The following STAT5B variants were observed in gnomAD, a reference collection of about 807,000 sequenced individuals.
STAT5B encodes signal transducer and activator of transcription 5B.
STAT5B carries 21 observed loss-of-function variants against 107.8 expected under a neutral mutation model. The ratio of observed to expected loss-of-function variants is 0.19; its 90% CI spans 0.14 to 0.28. The LOEUF (loss-of-function observed/expected upper bound fraction) is 0.28, where lower values mean the gene tolerates loss of function less well. Among genes scored for constraint, STAT5B ranks in the 10% least tolerant of loss-of-function variants. The probability of loss-of-function intolerance (pLI) is 1.00; values close to 1 mark genes in which losing one functional copy is unlikely to be tolerated. For synonymous variants in STAT5B, 325 were observed against 401.7 expected (o/e 0.81, Z 2.28); for missense variants, 565 against 1,008.2 (o/e 0.56, Z 5.95).
intron 8 of STAT5B, 58 bp downstream of exon 8, chr17:42,218,665 C>T (rs896948518): frequency 5.0e-6 from 8 of 1,612,100 alleles, no homozygotes; most frequent in Middle Eastern, 1.7e-4. Flanking sequence ...CTGCGGCTCC[C>T]CCCACGCAGG....
intron 1 of STAT5B, chr17:42,275,156 A>G (rs1454864795): frequency 6.6e-6 from 1 of 152,172 alleles, no homozygotes; most frequent in Non-Finnish European, 1.5e-5. Flanking sequence ...CACTTACTCC[A>G]CCTATCTGGG....
chr17:42,258,553 C>T (rs2080566936), intron 1 of STAT5B, among the ~76,000 whole-genome samples: 1 of 152,180 alleles, frequency 6.6e-6, no homozygotes, highest in Admixed American at 6.5e-5. Context: ...GTGGAACTTG[C>T]CTGTAATCCC....
In STAT5B at chr17:42,218,704, G is replaced by T; in HGVS notation, c.989+19C>A. 4 of 1,612,088 alleles carry T rather than the reference G, an allele frequency of 2.5e-6. No homozygotes were observed. Among genetic ancestry groups the T allele is most frequent in the Non-Finnish European group, 2.5e-6 (3 of 1,179,160 alleles). ...GAGCTGCCCCAAGCTCCTGGGCATGGCAAACAGGCAGCAGTCACCTGGTCA... is the reference window on the plus strand; with the variant it reads ...GAGCTGCCCCAAGCTCCTGGGCATGTCAAACAGGCAGCAGTCACCTGGTCA... On this transcript the variant is annotated intron_variant, in intron 8 of 18. Coordinates refer to ENST00000293328, the MANE Select transcript of STAT5B (RefSeq NM_012448.4).
chr17:42,219,263 T>A lies in STAT5B; in HGVS notation c.833+49A>T, dbSNP rs753548888. On this transcript the variant is annotated intron_variant, in intron 7 of 18. Transcript: ENST00000293328. The stretch of plus-strand genomic sequence containing the variant: ...GCACAGGACGCAGAAGCAGCCGGGA[T>A]CCCCACCAGCCCCTCCTGCCCTGCC... The A allele has an allele frequency of 5.8e-5, 93 of 1,592,332 alleles. 1 individual carries two copies. The South Asian group carries it at 9.6e-4, about 16-fold the overall frequency.
In STAT5B at chr17:42,219,890, C is replaced by T. The variant is rs184745864; in HGVS notation, c.551-48G>A. On this transcript the variant is annotated intron_variant, in intron 5 of 18. Coordinates refer to ENST00000293328, the MANE Select transcript of STAT5B (RefSeq NM_012448.4). ...ATGACCATCACCTCCCAGTGTCCAA[C>T]AGGAGGCCCAGAGAAGCCCACTCAC... 257 of 1,613,552 alleles carry T rather than the reference C, an allele frequency of 1.6e-4. 3 individuals carry two copies. The East Asian group carries it at 5.4e-3, about 34-fold the overall frequency.
chr17:42,209,376 T>C (rs949835674), intron 15 of STAT5B, among the ~76,000 whole-genome samples: 3 of 152,162 alleles, frequency 2.0e-5, no homozygotes, highest in African/African-American at 7.2e-5. Flanking sequence ...AAAACTTTAA[T>C]TCACAGAAAA....
chr17:42,215,762 G>A (rs986768869), intron 12 of STAT5B, among the ~76,000 whole-genome samples: 7 of 152,068 alleles, frequency 4.6e-5, no homozygotes, highest in African/African-American at 1.4e-4. Flanking sequence ...GGGACTACAG[G>A]CATGTGCCAC....
At chr17:42,227,751 A>C (rs530951006) in intron 2 of STAT5B, 66 bp from the exon 3 acceptor site, 1 of 1,528,228 alleles carries the variant, frequency 6.5e-7, no homozygotes, top group African/African-American at 1.4e-5. Context: ...ATACAGCCTC[A>C]ACACATCCTA....
In STAT5B at chr17:42,201,559, CAT is replaced by C; in HGVS notation, c.*177_*178del. 2 of 676,738 alleles carry C rather than the reference CAT, an allele frequency of 3.0e-6. No individual in the cohort carries two copies. Among genetic ancestry groups the C allele is most frequent in the East Asian group, 2.7e-5 (1 of 37,146 alleles). The allele number at this position is 676,738 out of a possible 1,614,324, so 41.9% of individuals were successfully genotyped here. A position where few individuals can be genotyped will look rare whatever the true frequency, so the allele number is the denominator to read the frequency against. ...ACACACACACACACACACACAAACA[CAT>C]ACTCGCACTCCCTTCGCTGGTGCCA... On this transcript the variant is annotated 3_prime_UTR_variant, in exon 19 of 19. Coordinates refer to ENST00000293328, the MANE Select transcript of STAT5B (RefSeq NM_012448.4).
In STAT5B at chr17:42,210,161, G is replaced by A. The variant is rs779700067; in HGVS notation, c.1906+10C>T. On this transcript the variant is annotated intron_variant, in intron 15 of 18. Transcript: ENST00000293328. ...GCTAACTTTGGACATAAGAAGGGAGGGGCACTCACGAGAATCAAACTTCCA... is the reference window on the plus strand; with the variant it reads ...GCTAACTTTGGACATAAGAAGGGAGAGGCACTCACGAGAATCAAACTTCCA... The A allele has an allele frequency of 3.7e-6, 6 of 1,614,058 alleles. No individual in the cohort carries two copies. The highest frequency in any genetic ancestry group is 5.1e-6 in the Non-Finnish European group (6 of 1,180,018).
intron 1 of STAT5B, among the ~76,000 whole-genome samples, chr17:42,239,338 C>A (rs1188605387): frequency 1.3e-5 from 2 of 151,694 alleles, no homozygotes; most frequent in Admixed American, 1.3e-4. Flanking sequence ...CAGCAGGGAG[C>A]CATGCCTTTA....
At chr17:42,268,653 GAT>G (rs1335243739) in intron 1 of STAT5B, 1 of 152,094 alleles carries the variant, frequency 6.6e-6, no homozygotes, top group Non-Finnish European at 1.5e-5. Flanking sequence ...TCAGAAATGA[GAT>G]AGGAGTCCCA....
intron 12 of STAT5B, among the ~76,000 whole-genome samples, chr17:42,212,420 T>C (rs999279016): frequency 6.6e-6 from 1 of 152,222 alleles, no homozygotes; most frequent in East Asian, 1.9e-4. Flanking sequence ...CATGCTGTTT[T>C]GTAAATGAGC....
chr17:42,259,766 C>T (rs965627299), intron 1 of STAT5B, among the ~76,000 whole-genome samples: 4 of 151,412 alleles, frequency 2.6e-5, no homozygotes, highest in Non-Finnish European at 4.4e-5. Context: ...GGCAAAATAG[C>T]GAGATTCTGT....
chr17:42,268,136 C>T (rs2080690266), intron 1 of STAT5B, among the ~76,000 whole-genome samples: 1 of 152,160 alleles, frequency 6.6e-6, no homozygotes, highest in African/African-American at 2.4e-5. Flanking sequence ...ACTCACCATT[C>T]ACCCACTGAG....
At chr17:42,256,108 A>T (rs138230131) in intron 1 of STAT5B, among the ~76,000 whole-genome samples, 11 of 152,336 alleles carry the variant, frequency 7.2e-5, no homozygotes, top group East Asian at 3.9e-4. Flanking sequence ...ATTTTATGAT[A>T]TATATACGTA....
intron 9 of STAT5B, 143 bp from the exon 10 acceptor site, chr17:42,217,607 C>T: frequency 1.2e-6 from 1 of 805,384 alleles, no homozygotes; most frequent in Non-Finnish European, 2.1e-6. Flanking sequence ...CTACATAACA[C>T]ATACATGTAA....
intron 1 of STAT5B, among the ~76,000 whole-genome samples, chr17:42,260,756 T>C (rs1021513538): frequency 1.1e-4 from 16 of 152,150 alleles, no homozygotes; most frequent in Admixed American, 9.2e-4. Context: ...TAAAGTATAT[T>C]GTTAAAATTA....
intron 16 of STAT5B, among the ~76,000 whole-genome samples, chr17:42,204,238 G>A (rs373280556): frequency 6.6e-6 from 1 of 152,190 alleles, no homozygotes; most frequent in Admixed American, 6.6e-5. Flanking sequence ...AAACCTGCAC[G>A]TGATCTGGTC....
Sources: gnomAD v4.1 joint callset for allele counts (sites outside exome capture counted in the v4.1 genomes callset) on GRCh38, gnomAD v4.1.1 for gene constraint, MANE v1.5 for transcripts, NCBI Gene and HGNC (gene_info 2026-07-23, HGNC 2026-07-21) for gene names.